HMGCLL1: variants seen among roughly 807,000 people sequenced by gnomAD.
HMGCLL1 encodes the protein 3-hydroxymethyl-3-methylglutaryl-CoA lyase, cytoplasmic.
HMGCLL1 carries 36 observed loss-of-function variants against 39.1 expected under a neutral mutation model. The ratio of observed to expected loss-of-function variants is 0.92; its 90% CI spans 0.71 to 1.22. HMGCLL1 has a LOEUF of 1.22. HMGCLL1 is among the 50% of genes most tolerant of loss of function. The probability of loss-of-function intolerance (pLI) is 0.00; values close to 1 mark genes in which losing one functional copy is unlikely to be tolerated. For missense variants in HMGCLL1, 451 were observed against 416.5 expected, an observed-to-expected ratio of 1.08 and a Z score of -0.72; for synonymous variants, 149 against 144.0, an observed-to-expected ratio of 1.03 and a Z score of -0.25.
At chr6:55,513,531 G>C (rs1767574316) in intron 5 of HMGCLL1, 1 of 153,758 alleles carries the variant, frequency 6.5e-6, no homozygotes, top group Non-Finnish European at 1.4e-5. Flanking sequence ...GGATCACCCA[G>C]AGGAAGTAGA....
At chr6:55,619,014 A>T in the HMGCLL1 span, among the ~76,000 whole-genome samples, 1 of 152,226 alleles carries the variant, frequency 6.6e-6, no homozygotes, top group African/African-American at 2.4e-5. Flanking sequence ...AGAAAAAACA[A>T]AAGGAGGAAA....
intron 1 of HMGCLL1, among the ~76,000 whole-genome samples, chr6:55,575,997 A>G (rs371849254): frequency 1.5e-4 from 23 of 152,320 alleles, no homozygotes; most frequent in African/African-American, 5.5e-4. Flanking sequence ...TTCATTCAAA[A>G]AGTATTATTG....
chr6:55,557,933 G>A (rs1410573373), intron 1 of HMGCLL1, among the ~76,000 whole-genome samples: 1 of 152,104 alleles, frequency 6.6e-6, no homozygotes. Context: ...GTGAGAAACA[G>A]GATACTTAAA....
chr6:55,463,712 G>C (rs1270757090), intron 7 of HMGCLL1, among the ~76,000 whole-genome samples: 3 of 152,134 alleles, frequency 2.0e-5, no homozygotes, highest in Non-Finnish European at 2.9e-5. Flanking sequence ...TCTCCAGATG[G>C]AATAATCATG....
the HMGCLL1 span, among the ~76,000 whole-genome samples, chr6:55,658,718 A>C: frequency 6.6e-6 from 1 of 151,948 alleles, no homozygotes. Context: ...AGGTATTGGG[A>C]TATGTTCTGA....
At chr6:55,555,644 T>C (rs1186975246) in intron 1 of HMGCLL1, among the ~76,000 whole-genome samples, 1 of 152,240 alleles carries the variant, frequency 6.6e-6, no homozygotes, top group Non-Finnish European at 1.5e-5. Flanking sequence ...ATGAACTTTT[T>C]GTCAGCCACT....
intron 7 of HMGCLL1, among the ~76,000 whole-genome samples, chr6:55,483,366 A>C (rs1046235015): frequency 9.9e-5 from 15 of 152,128 alleles, no homozygotes; most frequent in Non-Finnish European, 2.1e-4. Context: ...CCCAGGTTCA[A>C]GCAATTCTCC....
the HMGCLL1 span, among the ~76,000 whole-genome samples, chr6:55,668,888 T>C: frequency 6.6e-6 from 1 of 151,722 alleles, no homozygotes; most frequent in Non-Finnish European, 1.5e-5. Flanking sequence ...CAGGAATCAG[T>C]AGGGTATACA....
the HMGCLL1 span, among the ~76,000 whole-genome samples, chr6:55,639,086 T>C: frequency 6.6e-6 from 1 of 152,220 alleles, no homozygotes; most frequent in Middle Eastern, 3.4e-3. Flanking sequence ...TAAACTTTAT[T>C]TGCTTTAGTT....
chr6:55,441,451 T>C (rs1209453210), intron 7 of HMGCLL1, among the ~76,000 whole-genome samples: 1 of 152,174 alleles, frequency 6.6e-6, no homozygotes, highest in Non-Finnish European at 1.5e-5. Context: ...GATCTTATTA[T>C]GGTATATTTG....
chr6:55,506,163 C>T (rs1767151103), intron 5 of HMGCLL1, among the ~76,000 whole-genome samples: 1 of 151,718 alleles, frequency 6.6e-6, no homozygotes, highest in South Asian at 2.1e-4. Context: ...ACACTAACTA[C>T]AAGCTCAGAC....
chr6:55,628,982 G>C, the HMGCLL1 span, among the ~76,000 whole-genome samples: 1 of 152,120 alleles, frequency 6.6e-6, no homozygotes. Flanking sequence ...TGAGCAGTGT[G>C]AAAACAGACT....
chr6:55,500,210 C>T (rs972465874), intron 5 of HMGCLL1, among the ~76,000 whole-genome samples: 9 of 151,914 alleles, frequency 5.9e-5, no homozygotes, highest in Admixed American at 5.9e-4. Flanking sequence ...AGCCTTTGAA[C>T]GCCATTCCAA....
At chr6:55,587,230 T>C in the HMGCLL1 span, among the ~76,000 whole-genome samples, 7 of 152,296 alleles carry the variant, frequency 4.6e-5, no homozygotes, top group South Asian at 2.1e-4. Flanking sequence ...CTCCCACTTG[T>C]TGATGGGGTT....
At chr6:55,667,490 C>G in the HMGCLL1 span, among the ~76,000 whole-genome samples, 1 of 151,646 alleles carries the variant, frequency 6.6e-6, no homozygotes, top group Non-Finnish European at 1.5e-5. Flanking sequence ...TTTATCCAAG[C>G]CTACTCAGCT....
the HMGCLL1 span, among the ~76,000 whole-genome samples, chr6:55,650,278 T>C: frequency 6.6e-6 from 1 of 151,210 alleles, no homozygotes; most frequent in Admixed American, 6.6e-5. Context: ...GTTAGGTACT[T>C]ATCACATAGT....
chr6:55,465,390 A>G (rs1465468065), intron 7 of HMGCLL1, among the ~76,000 whole-genome samples: 10 of 152,120 alleles, frequency 6.6e-5, no homozygotes, highest in Admixed American at 4.6e-4. Context: ...CAAAGAGAAT[A>G]CATATTATAG....
the HMGCLL1 span, among the ~76,000 whole-genome samples, chr6:55,607,210 T>G: frequency 6.6e-6 from 1 of 152,262 alleles, no homozygotes; most frequent in East Asian, 1.9e-4. Flanking sequence ...TAATTTTTCC[T>G]GTTAAAAAAA....
At chr6:55,526,057 C>G (rs1022788101) in intron 3 of HMGCLL1, among the ~76,000 whole-genome samples, 2 of 151,848 alleles carry the variant, frequency 1.3e-5, no homozygotes, top group South Asian at 4.1e-4. Flanking sequence ...ATCCTTACCC[C>G]CAGCTGGAAC....
Sources: allele counts gnomAD v4.1 joint callset (sites outside exome capture counted in the v4.1 genomes callset), GRCh38; gene constraint gnomAD v4.1.1; transcripts MANE v1.5; gene names NCBI Gene and HGNC (gene_info 2026-07-23, HGNC 2026-07-21).